RAPGEF2: variants seen among roughly 807,000 people sequenced by gnomAD.
RAPGEF2 encodes the protein Rap guanine nucleotide exchange factor 2.
Under a neutral mutation model 186.7 loss-of-function variants are expected in RAPGEF2, and 54 were observed. The observed-to-expected ratio is 0.29, with a 90% confidence interval of 0.23 to 0.36. RAPGEF2 has a LOEUF of 0.36. RAPGEF2 is among the 10% of genes least tolerant of loss of function. The pLI, the probability that RAPGEF2 is intolerant of heterozygous loss-of-function variation, is 1.00. For synonymous variants in RAPGEF2, 712 were observed against 705.9 expected (o/e 1.01, Z -0.14); for missense variants, 1,532 against 2,045.0 (o/e 0.75, Z 4.84).
At chr4:159,134,349 G>T (rs1409968655) in intron 1 of RAPGEF2, among the ~76,000 whole-genome samples, 2 of 152,130 alleles carry the variant, frequency 1.3e-5, no homozygotes, top group Non-Finnish European at 2.9e-5. Flanking sequence ...GTATTTCATT[G>T]TATGGATGTA....
Position 159,330,029 on chromosome 4 carries a change from C to G in RAPGEF2, c.1302+19C>G, listed in dbSNP as rs1298922726. On this transcript the variant is annotated intron_variant, in intron 12 of 29. Transcript: ENST00000691494. ...CATCAAGGTAGGACACAGGACCACT[C>G]CTTCCCAAGGAAAGGAATTTTTTTT... 2 of 1,582,050 alleles carry G rather than the reference C, an allele frequency of 1.3e-6. No individual in the cohort carries two copies. The highest frequency in any genetic ancestry group is 1.7e-6 in the Non-Finnish European group (2 of 1,167,816).
At chr4:159,146,652 A>G (rs568031188) in intron 1 of RAPGEF2, among the ~76,000 whole-genome samples, 3 of 152,328 alleles carry the variant, frequency 2.0e-5, no homozygotes, top group Admixed American at 6.5e-5. Flanking sequence ...GAGGTGACCT[A>G]ACTTGTTCAA....
At chr4:159,339,757 A>G (rs1349849082) in intron 19 of RAPGEF2, among the ~76,000 whole-genome samples, 2 of 152,146 alleles carry the variant, frequency 1.3e-5, no homozygotes, top group African/African-American at 2.4e-5. Flanking sequence ...TTCTAATCAT[A>G]TTCTAGTGTC....
In RAPGEF2 at chr4:159,339,124, T is replaced by C. The variant is rs369765685; in HGVS notation, c.2304T>C (p.Asp768=). 26 of 1,613,410 alleles carry C rather than the reference T, an allele frequency of 1.6e-5. No individual in the cohort carries two copies. The highest frequency in any genetic ancestry group is 2.0e-5 in the Non-Finnish European group (24 of 1,179,458). ...LDFSATPDLP[D]QVLRVFKADQ... Reference sequence around the variant, plus strand: ...TTTTCTTTCCCCCAGACTTGCCAGATCAAGTGCTAAGGGTTTTTAAGGCTG... The same window carrying C: ...TTTTCTTTCCCCCAGACTTGCCAGACCAAGTGCTAAGGGTTTTTAAGGCTG... Residue 768 remains aspartate (D), a synonymous_variant, in exon 19 of 30, where the codon GAT becomes GAC. Transcript: ENST00000691494.
At chr4:159,297,958 C>T (rs1480159605) in intron 7 of RAPGEF2, among the ~76,000 whole-genome samples, 1 of 152,158 alleles carries the variant, frequency 6.6e-6, no homozygotes, top group East Asian at 1.9e-4. Flanking sequence ...GGTAGTTGAA[C>T]AGAAGATTAA....
intron 8 of RAPGEF2, 78 bp from the exon 9 acceptor site, chr4:159,314,513 A>AG (rs1440251369): frequency 1.6e-6 from 2 of 1,273,284 alleles, no homozygotes; most frequent in Admixed American, 6.2e-5. Context: ...ATTTTGAATG[A>AG]GGCTTGCTCT....
intron 1 of RAPGEF2, among the ~76,000 whole-genome samples, chr4:159,166,440 G>A (rs1330375183): frequency 2.0e-5 from 3 of 152,196 alleles, no homozygotes; most frequent in Admixed American, 6.5e-5. Context: ...TAGAGGAAAT[G>A]TACTGTTTTG....
chr4:159,136,131 A>C lies in RAPGEF2; in HGVS notation c.69+31900A>C, dbSNP rs1419923514. ...TTTCTCCAGGATCCAGTCCAGGTGT[A>C]CGATATTGCATTTAGCATTTTAAAA... On this transcript the variant is annotated intron_variant, in intron 1 of 29. Coordinates refer to ENST00000691494, the MANE Select transcript of RAPGEF2 (RefSeq NM_001394067.2). Among the ~76,000 whole-genome samples, 4 of 152,252 alleles carry C rather than the reference A, an allele frequency of 2.6e-5. No individual in the cohort carries two copies. In the East Asian group the frequency reaches 7.7e-4, roughly 29 times the overall value.
At chr4:159,193,151 CTG>C in intron 2 of RAPGEF2, 47 bp from the exon 3 acceptor site, 1 of 1,163,638 alleles carries the variant, frequency 8.6e-7, no homozygotes, top group Non-Finnish European at 1.2e-6. Flanking sequence ...AAATACCAGT[CTG>C]TTTTTTAGTG....
chr4:159,157,884 A>ATGGCAG (rs1162545216), intron 1 of RAPGEF2, among the ~76,000 whole-genome samples: 1 of 152,096 alleles, frequency 6.6e-6, no homozygotes, highest in Non-Finnish European at 1.5e-5. Flanking sequence ...CTTTCTTCCT[A>ATGGCAG]TGGCAGTGGC....
At chr4:159,164,541 A>C (rs1461187294) in intron 1 of RAPGEF2, among the ~76,000 whole-genome samples, 7 of 152,296 alleles carry the variant, frequency 4.6e-5, no homozygotes, top group South Asian at 4.1e-4. Context: ...TGATTATTAG[A>C]TATAAATTAT....
chr4:159,273,644 TTCTTTCTTTCTTTCTTTC>T (rs1202807947), intron 7 of RAPGEF2, among the ~76,000 whole-genome samples: 1 of 132,398 alleles, frequency 7.6e-6, no homozygotes, highest in East Asian at 2.2e-4. Context: ...CTTTCTTTCT[TTCTTTCTTTCTTTCTTTC>T]TTTCTTTCTT....
At chr4:159,299,341 A>G (rs990125619) in intron 7 of RAPGEF2, among the ~76,000 whole-genome samples, 1 of 152,116 alleles carries the variant, frequency 6.6e-6, no homozygotes, top group Non-Finnish European at 1.5e-5. Context: ...GTCAATAGAC[A>G]GTATTTTTTT....
At chr4:159,121,667 A>G (rs1739694385) in intron 1 of RAPGEF2, among the ~76,000 whole-genome samples, 1 of 151,980 alleles carries the variant, frequency 6.6e-6, no homozygotes, top group Non-Finnish European at 1.5e-5. Context: ...TTCAATAAAT[A>G]TATTAAAAAA....
chr4:159,254,149 G>A (rs1474572538), intron 7 of RAPGEF2, among the ~76,000 whole-genome samples: 1 of 152,160 alleles, frequency 6.6e-6, no homozygotes, highest in East Asian at 1.9e-4. Flanking sequence ...CTTTATCAAG[G>A]ACACTTTAAT....
intron 1 of RAPGEF2, among the ~76,000 whole-genome samples, chr4:159,163,378 C>G (rs543260877): frequency 6.6e-6 from 1 of 152,110 alleles, no homozygotes; most frequent in Non-Finnish European, 1.5e-5. Context: ...GTTGAATAAG[C>G]ACTTTGTCTT....
chr4:159,116,088 G>A (rs1389338018), intron 1 of RAPGEF2, among the ~76,000 whole-genome samples: 1 of 152,062 alleles, frequency 6.6e-6, no homozygotes, highest in East Asian at 1.9e-4. Flanking sequence ...TTGACAAATA[G>A]GATCTAATTA....
chr4:159,192,145 T>A (rs1748188096), intron 2 of RAPGEF2, among the ~76,000 whole-genome samples: 1 of 152,190 alleles, frequency 6.6e-6, no homozygotes, highest in African/African-American at 2.4e-5. Flanking sequence ...AAAATTGTTA[T>A]TCAACTTGGC....
chr4:159,184,928 G>A (rs1437199020), intron 1 of RAPGEF2, among the ~76,000 whole-genome samples: 2 of 151,944 alleles, frequency 1.3e-5, no homozygotes, highest in Non-Finnish European at 2.9e-5. Flanking sequence ...TATAAGGAAG[G>A]GATCCAGTTT....
Sources: gnomAD v4.1 joint callset for allele counts (sites outside exome capture counted in the v4.1 genomes callset) on GRCh38, gnomAD v4.1.1 for gene constraint, MANE v1.5 for transcripts, NCBI Gene and HGNC (gene_info 2026-07-23, HGNC 2026-07-21) for gene names.